The following DNAJC1 variants were observed in gnomAD, a reference collection of about 807,000 sequenced individuals.
The protein encoded by DNAJC1 is dnaJ homolog subfamily C member 1.
A neutral mutation model predicts 76.6 loss-of-function variants in DNAJC1; 58 were observed. The observed-to-expected ratio is 0.76, with a 90% CI of 0.61 to 0.94. The LOEUF (loss-of-function observed/expected upper bound fraction) is 0.94. Ranked by LOEUF, DNAJC1 falls within the 40% of genes least tolerant of loss-of-function variation. The probability of loss-of-function intolerance (pLI) is 0.00; values close to 1 mark genes in which losing one functional copy is unlikely to be tolerated. For missense variants in DNAJC1, 689 were observed against 677.3 expected (o/e 1.02, Z -0.19); for synonymous variants, 258 against 267.9 (o/e 0.96, Z 0.36).
intron 8 of DNAJC1, among the ~76,000 whole-genome samples, chr10:21,835,497 GAGA>G (rs1463310471): frequency 6.6e-6 from 1 of 152,190 alleles, no homozygotes; most frequent in Non-Finnish European, 1.5e-5. Flanking sequence ...GATGAGTTGA[GAGA>G]AGAAGGCTTC....
chr10:21,875,990 A>AT (rs1836181684), intron 8 of DNAJC1, among the ~76,000 whole-genome samples: 1 of 152,194 alleles, frequency 6.6e-6, no homozygotes, highest in Non-Finnish European at 1.5e-5. Flanking sequence ...TATACTAAAT[A>AT]TAATTAGAAA....
chr10:21,826,565 C>G (rs145663072), intron 8 of DNAJC1, among the ~76,000 whole-genome samples: 1 of 152,170 alleles, frequency 6.6e-6, no homozygotes, highest in African/African-American at 2.4e-5. Context: ...GTCATATACA[C>G]GAAAACTTGC....
chr10:21,996,545 A>G (rs934371702), intron 1 of DNAJC1, among the ~76,000 whole-genome samples: 1 of 152,208 alleles, frequency 6.6e-6, no homozygotes. Context: ...GTTTTAGAAT[A>G]TATTTCTAGG....
chr10:21,770,640 C>A (rs2131621177), intron 9 of DNAJC1, among the ~76,000 whole-genome samples: 1 of 152,244 alleles, frequency 6.6e-6, no homozygotes, highest in African/African-American at 2.4e-5. Context: ...CTGAGGTGAT[C>A]CGCCCGCCTC....
rs776214630 is a variant in DNAJC1 at position 21,759,568 on chromosome 10, T to C, written c.1198A>G (p.Ile400Val). ...LKSTVQNSRP[I>V]KTATTLPDDM... is the part of the protein sequence containing the mutation. ...TCGGGCAAGGTGGTGGCCGTTTTGA[T>C]GGGCCTGGAATTCTGAACTGTCGAT... Residue 400 changes from isoleucine (I) to valine (V), a missense_variant, in exon 11 of 12, where the codon ATC becomes GTC. Physicochemically the swap from Ile to Val is conservative, Grantham distance 29. Transcript: ENST00000376980. The C allele has an allele frequency of 2.4e-5, 39 of 1,614,002 alleles. No homozygotes were observed. Among genetic ancestry groups the C allele is most frequent in the Non-Finnish European group, 3.1e-5 (37 of 1,180,034 alleles).
intron 9 of DNAJC1, chr10:21,785,328 C>T (rs1308809785): frequency 6.6e-6 from 1 of 152,224 alleles, no homozygotes; most frequent in Non-Finnish European, 1.5e-5. Flanking sequence ...TGCCACTCTA[C>T]TAATTTGCAA....
intron 9 of DNAJC1, among the ~76,000 whole-genome samples, chr10:21,796,984 C>T (rs1279123977): frequency 2.0e-5 from 3 of 152,154 alleles, no homozygotes; most frequent in African/African-American, 7.2e-5. Context: ...CATTTTGTTG[C>T]TTGTGTTTTT....
intron 11 of DNAJC1, among the ~76,000 whole-genome samples, chr10:21,758,389 G>A (rs1442228658): frequency 6.6e-6 from 1 of 152,184 alleles, no homozygotes; most frequent in Non-Finnish European, 1.5e-5. Flanking sequence ...GGGGCTCTCT[G>A]CAGCGCCTCA....
At chr10:21,836,528 C>G (rs1371645779) in intron 8 of DNAJC1, among the ~76,000 whole-genome samples, 1 of 152,166 alleles carries the variant, frequency 6.6e-6, no homozygotes, top group African/African-American at 2.4e-5. Context: ...GAGACACAGA[C>G]TGGCAAATTG....
chr10:21,991,896 A>G (rs564969882), intron 1 of DNAJC1, among the ~76,000 whole-genome samples: 1 of 152,354 alleles, frequency 6.6e-6, no homozygotes, highest in South Asian at 2.1e-4. Context: ...AAATCTCAAT[A>G]CAGATCAAGT....
intron 8 of DNAJC1, among the ~76,000 whole-genome samples, chr10:21,809,380 A>G (rs1172592481): frequency 6.6e-6 from 1 of 151,872 alleles, no homozygotes; most frequent in Non-Finnish European, 1.5e-5. Flanking sequence ...ACCTATTAAT[A>G]ATAATTATTT....
intron 7 of DNAJC1, among the ~76,000 whole-genome samples, chr10:21,895,868 G>A (rs576299172): frequency 6.6e-6 from 1 of 152,298 alleles, no homozygotes; most frequent in South Asian, 2.1e-4. Context: ...TTGTTGCTCA[G>A]GATGTCTTGT....
intron 6 of DNAJC1, among the ~76,000 whole-genome samples, chr10:21,912,006 G>A (rs1272454906): frequency 7.2e-5 from 11 of 152,026 alleles, no homozygotes; most frequent in Non-Finnish European, 1.6e-4. Flanking sequence ...GCAACTTAGG[G>A]TATTTTCTCC....
chr10:22,003,218 G>A lies in DNAJC1; in HGVS notation c.217C>T (p.Gln73Ter). Residue 73 changes from glutamine to a stop codon, truncating the protein, a stop_gained, in exon 1 of 12, where the codon CAG becomes TAG. Transcript: ENST00000376980. LOFTEE classifies it high-confidence loss of function. ...QLNFYQFLGV[Q>*]QDASSADIRK... ...CCGCGCGCCTCCTTGCTTACCTGCT[G>A]CACCCCGAGGAACTGGTAGAAGTTG... 1 of 1,554,064 alleles carries A rather than the reference G, an allele frequency of 6.4e-7. No homozygotes were observed. The highest frequency in any genetic ancestry group is 8.7e-7 in the Non-Finnish European group (1 of 1,151,054).
intron 9 of DNAJC1, among the ~76,000 whole-genome samples, chr10:21,788,430 C>T (rs1448728720): frequency 6.6e-6 from 1 of 152,186 alleles, no homozygotes; most frequent in Non-Finnish European, 1.5e-5. Flanking sequence ...CTCAGGGAAA[C>T]AAAGCAGTGG....
intron 11 of DNAJC1, among the ~76,000 whole-genome samples, chr10:21,758,197 T>C (rs568537074): frequency 7.9e-5 from 12 of 152,134 alleles, no homozygotes; most frequent in Non-Finnish European, 1.3e-4. Context: ...TTTTCCAACA[T>C]AGAATTTCAA....
At chr10:21,782,203 G>A (rs569103859) in intron 9 of DNAJC1, among the ~76,000 whole-genome samples, 63 of 152,264 alleles carry the variant, frequency 4.1e-4, no homozygotes, top group Non-Finnish European at 6.0e-4. Flanking sequence ...AAATGATAAA[G>A]GGGATATCAC....
At chr10:21,849,292 C>CAA (rs33953332) in intron 8 of DNAJC1, among the ~76,000 whole-genome samples, 15,189 of 35,720 alleles carry the variant, frequency 0.43, 4,908 homozygotes, top group East Asian at 0.81. Context: ...GACTCCGCCT[C>CAA]AAAAAAAAAA....
At chr10:21,996,944 A>G (rs1419790203) in intron 1 of DNAJC1, among the ~76,000 whole-genome samples, 1 of 152,226 alleles carries the variant, frequency 6.6e-6, no homozygotes, top group Non-Finnish European at 1.5e-5. Flanking sequence ...TCAGAAATAT[A>G]AATGACTGAA....
Sources: allele counts gnomAD v4.1 joint callset (sites outside exome capture counted in the v4.1 genomes callset), GRCh38; gene constraint gnomAD v4.1.1; transcripts MANE v1.5; gene names NCBI Gene and HGNC (gene_info 2026-07-23, HGNC 2026-07-21).